The following ITPR1 variants were observed in gnomAD, a reference collection of about 807,000 sequenced individuals.
ITPR1 encodes inositol 1,4,5-trisphosphate-gated calcium channel ITPR1.
In ITPR1, 96 loss-of-function variants were observed where a neutral mutation model predicts 318.4. The ratio of observed to expected loss-of-function variants is 0.30; its 90% confidence interval spans 0.26 to 0.36. The LOEUF (loss-of-function observed/expected upper bound fraction) is 0.36. Ranked by LOEUF, ITPR1 falls within the 10% of genes least tolerant of loss-of-function variation. The pLI, the probability that ITPR1 is intolerant of heterozygous loss-of-function variation, is 1.00. For missense variants in ITPR1, 2,440 were observed against 3,460.2 expected (o/e 0.71, Z 7.40); for synonymous variants, 1,312 against 1,289.9 (o/e 1.02, Z -0.37).
chr3:4,591,521 T>G (rs771300528), intron 4 of ITPR1, among the ~76,000 whole-genome samples: 6 of 152,206 alleles, frequency 3.9e-5, no homozygotes, highest in Non-Finnish European at 8.8e-5. Context: ...CTGGTTCAAC[T>G]TTGATTCAGG....
At chr3:4,562,637 A>C (rs1194830225) in intron 4 of ITPR1, among the ~76,000 whole-genome samples, 1 of 152,080 alleles carries the variant, frequency 6.6e-6, no homozygotes, top group Admixed American at 6.5e-5. Flanking sequence ...AGGATCTTAT[A>C]ATTGCACCGG....
intron 4 of ITPR1, among the ~76,000 whole-genome samples, chr3:4,534,067 G>T (rs993676526): frequency 1.3e-5 from 2 of 152,224 alleles, no homozygotes; most frequent in Non-Finnish European, 2.9e-5. Context: ...TCTCTCCCGG[G>T]CTTTGAGGAC....
At chr3:4,614,444 T>C (rs1329362800) in intron 4 of ITPR1, among the ~76,000 whole-genome samples, 1 of 152,200 alleles carries the variant, frequency 6.6e-6, no homozygotes, top group African/African-American at 2.4e-5. Flanking sequence ...CAGGATCTGT[T>C]TGAAGGACTT....
chr3:4,664,613 C>T (rs992735011), intron 16 of ITPR1, among the ~76,000 whole-genome samples: 4 of 152,252 alleles, frequency 2.6e-5, no homozygotes, highest in African/African-American at 9.6e-5. Context: ...AGACCTCTGG[C>T]TTAATGCCCA....
chr3:4,765,802 A>G (rs1045128850), intron 44 of ITPR1, among the ~76,000 whole-genome samples: 17 of 152,216 alleles, frequency 1.1e-4, no homozygotes, highest in Admixed American at 6.5e-5. Context: ...TCAACAGTGT[A>G]TACTATTGCT....
At chr3:4,819,290 AGGGCTTTCTG>A (rs2049521674) in intron 60 of ITPR1, among the ~76,000 whole-genome samples, 1 of 152,204 alleles carries the variant, frequency 6.6e-6, no homozygotes, top group Non-Finnish European at 1.5e-5. Flanking sequence ...TAGGTTCTGG[AGGGCTTTCTG>A]GAGATTCTGT....
intron 61 of ITPR1, among the ~76,000 whole-genome samples, chr3:4,840,589 G>A (rs975786184): frequency 2.6e-5 from 4 of 152,054 alleles, no homozygotes; most frequent in Admixed American, 6.5e-5. Context: ...TGATTGTTTC[G>A]TTATGTATCA....
chr3:4,763,252 G>A (rs1467428202), intron 44 of ITPR1, among the ~76,000 whole-genome samples: 1 of 152,166 alleles, frequency 6.6e-6, no homozygotes, highest in Non-Finnish European at 1.5e-5. Context: ...AATGCATGCT[G>A]GGCTTAATAT....
intron 4 of ITPR1, among the ~76,000 whole-genome samples, chr3:4,536,695 C>A (rs2083903245): frequency 6.6e-6 from 1 of 152,182 alleles, no homozygotes; most frequent in Admixed American, 6.5e-5. Context: ...AATTTGAATT[C>A]ATGTTAATAA....
chr3:4,623,251 A>C (rs1166034646), intron 4 of ITPR1, among the ~76,000 whole-genome samples: 1 of 152,110 alleles, frequency 6.6e-6, no homozygotes, highest in African/African-American at 2.4e-5. Flanking sequence ...ATGGAAGCTC[A>C]CCTGTGGCCT....
intron 54 of ITPR1, 139 bp downstream of exon 54, chr3:4,800,739 C>A: frequency 1.2e-6 from 1 of 860,088 alleles, no homozygotes; most frequent in Non-Finnish European, 1.8e-6. Context: ...TAGCCAGAAG[C>A]AGGGGATGGC....
chr3:4,830,898 G>T (rs1394373094), intron 60 of ITPR1: 1 of 456,062 alleles, frequency 2.2e-6, no homozygotes, highest in South Asian at 1.5e-5. Context: ...GGCTATAAAA[G>T]ATTCCACAAA....
intron 13 of ITPR1, among the ~76,000 whole-genome samples, chr3:4,659,528 A>T (rs1350805717): frequency 6.6e-6 from 1 of 152,044 alleles, no homozygotes; most frequent in Non-Finnish European, 1.5e-5. Context: ...TACAAAAAAA[A>T]TGCAAAAATT....
chr3:4,526,934 T>C (rs2083027808), intron 4 of ITPR1, among the ~76,000 whole-genome samples: 1 of 152,254 alleles, frequency 6.6e-6, no homozygotes, highest in African/African-American at 2.4e-5. Context: ...TATTTATATA[T>C]AAGTAGAAGC....
At chr3:4,757,034 A>AT (rs1440237857) in intron 44 of ITPR1, among the ~76,000 whole-genome samples, 1 of 152,208 alleles carries the variant, frequency 6.6e-6, no homozygotes, top group Non-Finnish European at 1.5e-5. Flanking sequence ...TAAGACCCTC[A>AT]TTTTTTAGCT....
chr3:4,690,678 ATC>A (rs1405839580), intron 31 of ITPR1, among the ~76,000 whole-genome samples: 1 of 152,124 alleles, frequency 6.6e-6, no homozygotes, highest in Non-Finnish European at 1.5e-5. Flanking sequence ...GAATGTTACT[ATC>A]TATTAAAACT....
chr3:4,540,908 C>T (rs557952071), intron 4 of ITPR1, among the ~76,000 whole-genome samples: 14 of 152,134 alleles, frequency 9.2e-5, no homozygotes, highest in African/African-American at 3.1e-4. Context: ...CATTGTTGTT[C>T]TCCATTCTGT....
chr3:4,847,205 T>G lies in ITPR1; in HGVS notation c.*980T>G, dbSNP rs1183542080. The G allele has an allele frequency of 2.0e-5, 3 of 152,628 alleles. No individual in the cohort carries two copies. The highest frequency in any genetic ancestry group is 7.2e-5 in the African/African-American group (3 of 41,464). 9.5% of individuals were successfully genotyped at this position (152,628 alleles called of 1,614,324 possible). ...AAAACTATATACATCCATATAAAGA[T>G]GAAATATGAACTATCTCATTAGAAG... On this transcript the variant is annotated 3_prime_UTR_variant, in exon 62 of 62. Coordinates refer to ENST00000649015, the MANE Select transcript of ITPR1 (RefSeq NM_001378452.1).
intron 4 of ITPR1, among the ~76,000 whole-genome samples, chr3:4,610,787 C>G (rs2092023597): frequency 6.6e-6 from 1 of 152,076 alleles, no homozygotes; most frequent in African/African-American, 2.4e-5. Flanking sequence ...GGCCTCCTTT[C>G]CAGAACATAC....
Sources: gnomAD v4.1 joint callset for allele counts (sites outside exome capture counted in the v4.1 genomes callset) on GRCh38, gnomAD v4.1.1 for gene constraint, MANE v1.5 for transcripts, NCBI Gene and HGNC (gene_info 2026-07-23, HGNC 2026-07-21) for gene names.